The following KSR2 variants were observed in gnomAD, a reference collection of about 807,000 sequenced individuals.
KSR2 encodes the protein kinase suppressor of ras 2.
KSR2 carries 25 observed loss-of-function variants against 107.8 expected under a neutral mutation model. That is an observed-to-expected ratio of 0.23 (90% CI 0.17 to 0.32). KSR2 has a LOEUF of 0.32. KSR2 is among the 10% of genes least tolerant of loss of function. The probability of loss-of-function intolerance (pLI) is 1.00; values close to 1 mark genes in which losing one functional copy is unlikely to be tolerated. For synonymous variants in KSR2, 480 were observed against 507.0 expected, an observed-to-expected ratio of 0.95 and a Z score of 0.71; for missense variants, 887 against 1,268.9, an observed-to-expected ratio of 0.70 and a Z score of 4.57.
chr12:117,579,074 G>T, intron 7 of KSR2, 45 bp downstream of exon 7: 1 of 1,381,636 alleles, frequency 7.2e-7, no homozygotes, highest in Non-Finnish European at 1.0e-6. Flanking sequence ...GGTTCTAGCT[G>T]ACATCGGGTG....
chr12:117,533,367 T>A (rs1171157209), intron 10 of KSR2, among the ~76,000 whole-genome samples: 1 of 152,224 alleles, frequency 6.6e-6, no homozygotes, highest in Non-Finnish European at 1.5e-5. Flanking sequence ...CCAGTCAGTG[T>A]GCAACACACA....
At chr12:117,469,566 T>G in intron 19 of KSR2, 96 bp downstream of exon 19, 1 of 1,415,310 alleles carries the variant, frequency 7.1e-7, no homozygotes. Flanking sequence ...TAGGAGCTTG[T>G]TGGGGGAGGA....
At chr12:117,647,928 C>T (rs1883724378) in intron 5 of KSR2, among the ~76,000 whole-genome samples, 1 of 152,042 alleles carries the variant, frequency 6.6e-6, no homozygotes, top group Admixed American at 6.6e-5. Context: ...AGGCTGTTCT[C>T]AAATACCTGG....
intron 3 of KSR2, among the ~76,000 whole-genome samples, chr12:117,831,169 T>C (rs1421763780): frequency 2.0e-5 from 3 of 152,244 alleles, no homozygotes; most frequent in Non-Finnish European, 4.4e-5. Flanking sequence ...ATTTCACTCT[T>C]TCTTTCTCTT....
At chr12:117,883,889 A>AAG (rs1467393470) in intron 1 of KSR2, among the ~76,000 whole-genome samples, 1 of 151,626 alleles carries the variant, frequency 6.6e-6, no homozygotes, top group African/African-American at 2.4e-5. Context: ...AAAAAAAAAA[A>AAG]AAAAAGGAAA....
rs141211262 is a variant in KSR2, at chr12:117,724,703, T to C, written c.986+36308A>G. ...GCATCAGCCCAGATGCACAAGAACA[T>C]GCCAAGAATAAATGGGAGGAATCAA... On this transcript the variant is annotated intron_variant, in intron 4 of 19. Coordinates refer to ENST00000339824, the MANE Select transcript of KSR2 (RefSeq NM_173598.6). Among the ~76,000 whole-genome samples, 256 of 151,796 alleles carry C rather than the reference T, an allele frequency of 1.7e-3. 2 individuals carry two copies. The highest frequency in any genetic ancestry group is 5.8e-3 in the African/African-American group (242 of 41,370).
intron 14 of KSR2, among the ~76,000 whole-genome samples, chr12:117,501,783 G>A (rs1592932857): frequency 6.6e-6 from 1 of 152,222 alleles, no homozygotes; most frequent in African/African-American, 2.4e-5. Context: ...CCATCAGGGA[G>A]GGGCGTGCCC....
At chr12:117,855,126 A>C (rs1893055953) in intron 3 of KSR2, among the ~76,000 whole-genome samples, 1 of 152,232 alleles carries the variant, frequency 6.6e-6, no homozygotes, top group African/African-American at 2.4e-5. Flanking sequence ...TAAAGTAAAA[A>C]GACCCTGGTC....
chr12:117,539,633 T>G, intron 10 of KSR2, 86 bp downstream of exon 10: 1 of 1,305,568 alleles, frequency 7.7e-7, no homozygotes, highest in African/African-American at 1.5e-5. Flanking sequence ...ACTTGCTGCA[T>G]CAGGGCTCTG....
intron 1 of KSR2, among the ~76,000 whole-genome samples, chr12:117,881,826 G>A (rs1026899929): frequency 6.6e-6 from 1 of 152,158 alleles, no homozygotes; most frequent in Non-Finnish European, 1.5e-5. Flanking sequence ...TTGAAGTCCA[G>A]CAGGGTCTGT....
intron 3 of KSR2, among the ~76,000 whole-genome samples, chr12:117,833,841 T>G (rs1469748331): frequency 2.4e-4 from 36 of 151,906 alleles, no homozygotes; most frequent in Admixed American, 2.4e-3. Context: ...TCCCAAAAAA[T>G]CACAGTATCT....
chr12:117,894,509 T>G lies in KSR2; in HGVS notation c.181-34078A>C, dbSNP rs559230719. On this transcript the variant is annotated intron_variant, in intron 1 of 19. Transcript: ENST00000339824. ...GAGAGATCTCATCCCTAAAAAAAAA[T>G]TAATAAAAAATTAGCTAAGTGATAT... Among the ~76,000 whole-genome samples, 3 of 151,948 alleles carry G rather than the reference T, an allele frequency of 2.0e-5. No individual in the cohort carries two copies. The East Asian group carries it at 5.8e-4, about 30-fold the overall frequency.
At chr12:117,737,515 G>C (rs1195996890) in intron 4 of KSR2, among the ~76,000 whole-genome samples, 1 of 152,086 alleles carries the variant, frequency 6.6e-6, no homozygotes, top group Non-Finnish European at 1.5e-5. Flanking sequence ...AGGTGCGGTG[G>C]CTCGTGCCTG....
intron 10 of KSR2, among the ~76,000 whole-genome samples, chr12:117,534,025 T>A (rs976479113): frequency 2.0e-5 from 3 of 151,916 alleles, no homozygotes; most frequent in African/African-American, 7.3e-5. Flanking sequence ...CTGGTGACCT[T>A]GAGTGGGCTG....
chr12:117,692,451 TA>T (rs1885858288), intron 4 of KSR2, among the ~76,000 whole-genome samples: 3 of 30 alleles, frequency 0.1, no homozygotes, highest in Non-Finnish European at 0.19. Flanking sequence ...ACTTCACTCA[TA>T]TATATATATA....
At chr12:117,826,394 G>A (rs138636230) in intron 3 of KSR2, among the ~76,000 whole-genome samples, 1 of 152,184 alleles carries the variant, frequency 6.6e-6, no homozygotes, top group Non-Finnish European at 1.5e-5. Context: ...GGGGGTTGAC[G>A]TTAGCTGTTC....
chr12:117,564,986 G>A (rs1451058776), intron 7 of KSR2, among the ~76,000 whole-genome samples: 1 of 152,216 alleles, frequency 6.6e-6, no homozygotes, highest in Non-Finnish European at 1.5e-5. Flanking sequence ...GTGCGGGGCT[G>A]GAGGGCAGGA....
chr12:117,861,334 T>G (rs566836337), intron 1 of KSR2, among the ~76,000 whole-genome samples: 1 of 151,390 alleles, frequency 6.6e-6, no homozygotes, highest in East Asian at 1.9e-4. Flanking sequence ...CCTGTGTATA[T>G]CTTTGTAAAT....
chr12:117,888,573 G>A (rs138106351), intron 1 of KSR2, among the ~76,000 whole-genome samples: 1 of 152,224 alleles, frequency 6.6e-6, no homozygotes, highest in Non-Finnish European at 1.5e-5. Flanking sequence ...TGGGATCAGT[G>A]TCCTTCTAGG....
Sources: allele counts gnomAD v4.1 joint callset (sites outside exome capture counted in the v4.1 genomes callset), GRCh38; gene constraint gnomAD v4.1.1; transcripts MANE v1.5; gene names NCBI Gene and HGNC (gene_info 2026-07-23, HGNC 2026-07-21).